The following GRIK2 variants were observed in gnomAD, a reference collection of about 807,000 sequenced individuals.
The protein encoded by GRIK2 is glutamate receptor ionotropic, kainate 2.
Under a neutral mutation model 100.3 loss-of-function variants are expected in GRIK2, and 32 were observed. That is an observed-to-expected ratio of 0.32 (90% confidence interval 0.24 to 0.43). The LOEUF is 0.43. Among genes scored for constraint, GRIK2 ranks in the 20% least tolerant of loss-of-function variants. The pLI is 1.00. For missense variants in GRIK2, 843 were observed against 1,114.9 expected (o/e 0.76, Z 3.47); for synonymous variants, 417 against 389.4 (o/e 1.07, Z -0.83).
intron 9 of GRIK2, among the ~76,000 whole-genome samples, chr6:101,811,065 C>T (rs1474389859): frequency 6.6e-6 from 1 of 151,994 alleles, no homozygotes; most frequent in African/African-American, 2.4e-5. Flanking sequence ...TATCGGGGTG[C>T]CAACTTTTTT....
intron 14 of GRIK2, among the ~76,000 whole-genome samples, chr6:101,960,048 G>GTTTTTTTTTTTTTTTTTTTTT (rs3029100): frequency 2.5e-5 from 3 of 118,250 alleles, no homozygotes; most frequent in African/African-American, 3.6e-5. Flanking sequence ...TTTTTTTAGT[G>GTTTTTTTTTTTTTTTTTTTTT]TTTTGTTTTT....
intron 2 of GRIK2, among the ~76,000 whole-genome samples, chr6:101,464,702 A>G (rs1425438013): frequency 1.3e-5 from 2 of 150,518 alleles, no homozygotes; most frequent in South Asian, 2.1e-4. Context: ...TTGTATTTTT[A>G]GTAGAGACAG....
intron 3 of GRIK2, among the ~76,000 whole-genome samples, chr6:101,626,108 C>A (rs920648794): frequency 3.9e-5 from 6 of 152,082 alleles, no homozygotes; most frequent in African/African-American, 1.4e-4. Flanking sequence ...AAAAAATATT[C>A]ATCCTCTCTC....
Position 101,828,602 on chromosome 6 carries a change from T to G in GRIK2, c.1317+10119T>G, listed in dbSNP as rs1782483936. Among the ~76,000 whole-genome samples the G allele has an allele frequency of 2.6e-5, 4 of 151,904 alleles. No homozygotes were observed. The South Asian group carries it at 8.3e-4, about 31-fold the overall frequency. ...CAACATATGTGATATTACAACTGAT[T>G]CCACAGAAATACAAAAGATCCTGAG... On this transcript the variant is annotated intron_variant, in intron 10 of 16. Coordinates refer to ENST00000369134, the MANE Select transcript of GRIK2 (RefSeq NM_021956.5).
chr6:101,974,789 A>C (rs1793267543), intron 14 of GRIK2, among the ~76,000 whole-genome samples: 1 of 152,012 alleles, frequency 6.6e-6, no homozygotes, highest in Non-Finnish European at 1.5e-5. Flanking sequence ...GCTGGGTACT[A>C]ACCTAGCCAG....
At chr6:101,620,151 T>G in intron 2 of GRIK2, 1 of 429,990 alleles carries the variant, frequency 2.3e-6, no homozygotes, top group South Asian at 9.8e-5. Context: ...CAGATAGCAA[T>G]TGGCAAATCC....
rs538153863 is a variant in GRIK2, at chr6:101,476,907, C to A, written c.115+77515C>A. On this transcript the variant is annotated intron_variant, in intron 2 of 16. Coordinates refer to ENST00000369134, the MANE Select transcript of GRIK2 (RefSeq NM_021956.5). Reference sequence around the variant, plus strand: ...TGGGTTAGCATCCAAGGCGCAGTAGCATGGCCAACCTAAAAGAACCTATAC... The same window carrying A: ...TGGGTTAGCATCCAAGGCGCAGTAGAATGGCCAACCTAAAAGAACCTATAC... 1.1e-3 allele frequency among the ~76,000 whole-genome samples: 172 copies of A among 152,252 alleles called. 1 individual carries two copies. The highest frequency in any genetic ancestry group is 3.9e-3 in the African/African-American group (161 of 41,560).
At chr6:101,826,070 C>T (rs559525549) in intron 10 of GRIK2, among the ~76,000 whole-genome samples, 1 of 151,972 alleles carries the variant, frequency 6.6e-6, no homozygotes, top group East Asian at 1.9e-4. Flanking sequence ...TTTCTATTCA[C>T]CCCAGCCAGA....
At chr6:101,937,533 C>G (rs1156649496) in intron 14 of GRIK2, among the ~76,000 whole-genome samples, 4 of 152,070 alleles carry the variant, frequency 2.6e-5, no homozygotes, top group Non-Finnish European at 5.9e-5. Context: ...AAAAAATAGG[C>G]TGAGATAAAT....
At chr6:101,605,029 A>G (rs947921750) in intron 2 of GRIK2, among the ~76,000 whole-genome samples, 5 of 151,988 alleles carry the variant, frequency 3.3e-5, no homozygotes, top group African/African-American at 1.2e-4. Context: ...TAATTTTGAC[A>G]CCTATCTTTT....
chr6:101,955,239 C>T (rs1791842467), intron 14 of GRIK2, among the ~76,000 whole-genome samples: 1 of 151,988 alleles, frequency 6.6e-6, no homozygotes, highest in African/African-American at 2.4e-5. Context: ...GTGTCCCTGC[C>T]TCTTTTGCTT....
chr6:102,008,837 A>G (rs1166186325), intron 14 of GRIK2, among the ~76,000 whole-genome samples: 1 of 152,120 alleles, frequency 6.6e-6, no homozygotes, highest in East Asian at 1.9e-4. Flanking sequence ...CTATTATAAT[A>G]TAAATCTCAA....
intron 10 of GRIK2, among the ~76,000 whole-genome samples, chr6:101,857,391 C>T (rs1247043078): frequency 1.3e-5 from 2 of 152,174 alleles, no homozygotes; most frequent in African/African-American, 4.8e-5. Context: ...GGAGGTGAGG[C>T]TGCAGGGTGC....
chr6:101,552,445 G>A (rs1248351984), intron 2 of GRIK2, among the ~76,000 whole-genome samples: 1 of 152,030 alleles, frequency 6.6e-6, no homozygotes, highest in East Asian at 1.9e-4. Flanking sequence ...CTTTGGCTGG[G>A]TTTCTTTAGG....
chr6:101,412,487 A>G (rs1775930589), intron 2 of GRIK2, among the ~76,000 whole-genome samples: 1 of 152,078 alleles, frequency 6.6e-6, no homozygotes, highest in African/African-American at 2.4e-5. Flanking sequence ...ATTCCAAAGT[A>G]TTAATATCAT....
intron 10 of GRIK2, among the ~76,000 whole-genome samples, chr6:101,840,821 C>A (rs1783447472): frequency 6.6e-6 from 1 of 152,086 alleles, no homozygotes; most frequent in South Asian, 2.1e-4. Context: ...ATTTTAACTA[C>A]TTTGAGTAAT....
chr6:101,734,350 G>GC (rs1775489589), intron 7 of GRIK2, among the ~76,000 whole-genome samples: 1 of 152,150 alleles, frequency 6.6e-6, no homozygotes, highest in Non-Finnish European at 1.5e-5. Flanking sequence ...GAGTCAGAAA[G>GC]CAGGAAAACA....
chr6:101,621,812 T>C (rs1001286530), intron 2 of GRIK2, 137 bp from the exon 3 acceptor site: 27 of 646,204 alleles, frequency 4.2e-5, no homozygotes, highest in Non-Finnish European at 6.3e-5. Context: ...CTCTCTCTCT[T>C]TCTCTCTCTC....
chr6:101,424,530 T>C (rs1399513083), intron 2 of GRIK2, among the ~76,000 whole-genome samples: 4 of 151,504 alleles, frequency 2.6e-5, no homozygotes, highest in Admixed American at 6.6e-5. Flanking sequence ...TAGTATTCCA[T>C]GGTGTATGTG....
Sources: gnomAD v4.1 joint callset for allele counts (sites outside exome capture counted in the v4.1 genomes callset) on GRCh38, gnomAD v4.1.1 for gene constraint, MANE v1.5 for transcripts, NCBI Gene and HGNC (gene_info 2026-07-23, HGNC 2026-07-21) for gene names.